CWC27: variants seen among roughly 807,000 people sequenced by gnomAD.
The protein encoded by CWC27 is CWC27 spliceosome associated cyclophilin.
In CWC27, 47 loss-of-function variants were observed where a neutral mutation model predicts 63.6. The ratio of observed to expected loss-of-function variants is 0.74; its 90% CI spans 0.58 to 0.94. The LOEUF is 0.94. Ranked by LOEUF, CWC27 falls within the 40% of genes least tolerant of loss-of-function variation. The pLI is 0.00. For synonymous variants in CWC27, 175 were observed against 179.8 expected, an observed-to-expected ratio of 0.97 and a Z score of 0.22; for missense variants, 495 against 554.3, an observed-to-expected ratio of 0.89 and a Z score of 1.07.
intron 11 of CWC27, among the ~76,000 whole-genome samples, chr5:64,890,917 T>C (rs181784599): frequency 2.0e-5 from 3 of 152,296 alleles, no homozygotes; most frequent in Admixed American, 1.3e-4. Flanking sequence ...CAGTATTTTA[T>C]TGGGCTAACA....
chr5:64,882,441 A>G (rs547842628), intron 10 of CWC27, among the ~76,000 whole-genome samples: 3 of 152,354 alleles, frequency 2.0e-5, no homozygotes, highest in South Asian at 2.1e-4. Context: ...GAGATTTGCT[A>G]TAAGTGTAAA....
intron 11 of CWC27, among the ~76,000 whole-genome samples, chr5:64,943,757 G>C (rs1748537141): frequency 6.6e-6 from 1 of 152,122 alleles, no homozygotes; most frequent in African/African-American, 2.4e-5. Flanking sequence ...CATCTTCATA[G>C]AAAAGCATCC....
At chr5:65,011,479 G>A (rs1010282269) in intron 13 of CWC27, among the ~76,000 whole-genome samples, 3 of 152,184 alleles carry the variant, frequency 2.0e-5, no homozygotes, top group East Asian at 1.9e-4. Context: ...TAGAGGCAGC[G>A]AGGAAGAAGG....
chr5:64,899,699 A>G (rs1490722915), intron 11 of CWC27, among the ~76,000 whole-genome samples: 1 of 152,212 alleles, frequency 6.6e-6, no homozygotes, highest in Non-Finnish European at 1.5e-5. Flanking sequence ...AGCTTTATTG[A>G]AGAATAATTT....
chr5:64,969,322 T>C (rs2112440192), intron 11 of CWC27, among the ~76,000 whole-genome samples: 1 of 152,248 alleles, frequency 6.6e-6, no homozygotes, highest in East Asian at 1.9e-4. Flanking sequence ...CTCTTTTGCA[T>C]TTTTTTAACC....
At chr5:65,017,272 G>GA (rs552744605) in intron 13 of CWC27, among the ~76,000 whole-genome samples, 18 of 152,190 alleles carry the variant, frequency 1.2e-4, no homozygotes, top group Admixed American at 1.0e-3. Context: ...AGTGAGCCGA[G>GA]ATCGCGCCAC....
intron 10 of CWC27, among the ~76,000 whole-genome samples, chr5:64,809,396 C>A (rs1744798908): frequency 6.6e-6 from 1 of 152,284 alleles, no homozygotes; most frequent in South Asian, 2.1e-4. Flanking sequence ...GAGACGCAGT[C>A]TCGCTCTGTT....
chr5:65,010,880 T>C (rs1580781078), intron 13 of CWC27, among the ~76,000 whole-genome samples: 1 of 152,348 alleles, frequency 6.6e-6, no homozygotes, highest in South Asian at 2.1e-4. Flanking sequence ...TGCTCAATGA[T>C]TTGGAATTAT....
chr5:64,903,609 G>A (rs1271064014), intron 11 of CWC27, among the ~76,000 whole-genome samples: 2 of 152,080 alleles, frequency 1.3e-5, no homozygotes, highest in South Asian at 2.1e-4. Flanking sequence ...GTATTGATAG[G>A]TGCAGGAAAC....
intron 11 of CWC27, among the ~76,000 whole-genome samples, chr5:64,957,507 T>C (rs930783863): frequency 6.6e-6 from 1 of 152,122 alleles, no homozygotes; most frequent in African/African-American, 2.4e-5. Flanking sequence ...AATGAGCAAA[T>C]TTAAACAGGA....
intron 10 of CWC27, among the ~76,000 whole-genome samples, chr5:64,880,918 C>A: frequency 7.2e-6 from 1 of 138,656 alleles, no homozygotes. Flanking sequence ...CAAGACAATG[C>A]TTTCTGGACT....
intron 11 of CWC27, among the ~76,000 whole-genome samples, chr5:64,966,477 T>C (rs534988298): frequency 6.6e-6 from 1 of 152,308 alleles, no homozygotes; most frequent in South Asian, 2.1e-4. Flanking sequence ...CAGTATTTTA[T>C]TTAATCCTCA....
intron 11 of CWC27, among the ~76,000 whole-genome samples, chr5:64,951,890 G>A (rs1336110550): frequency 6.6e-6 from 1 of 151,664 alleles, no homozygotes; most frequent in Admixed American, 6.6e-5. Context: ...TTTTTCAGTT[G>A]ATGCACTTCC....
At chr5:64,907,649 C>T (rs77956456) in intron 11 of CWC27, among the ~76,000 whole-genome samples, 1 of 152,132 alleles carries the variant, frequency 6.6e-6, no homozygotes, top group African/African-American at 2.4e-5. Flanking sequence ...ATTGAATACC[C>T]TTTATTTCTT....
chr5:65,013,877 A>C (rs1750006161), intron 13 of CWC27, among the ~76,000 whole-genome samples: 1 of 152,144 alleles, frequency 6.6e-6, no homozygotes, highest in East Asian at 1.9e-4. Flanking sequence ...TTAAATCGGA[A>C]ATGAATTGCT....
chr5:64,983,382 A>G (rs1312602989), intron 13 of CWC27, among the ~76,000 whole-genome samples: 3 of 151,976 alleles, frequency 2.0e-5, no homozygotes, highest in Non-Finnish European at 4.4e-5. Flanking sequence ...TCCACTGTAC[A>G]CTCATGAGGG....
intron 7 of CWC27, among the ~76,000 whole-genome samples, chr5:64,792,930 T>A (rs956752320): frequency 6.6e-6 from 1 of 152,236 alleles, no homozygotes; most frequent in Non-Finnish European, 1.5e-5. Flanking sequence ...GATATAGTTT[T>A]AATTTTGATT....
chr5:64,880,641 G>C (rs1746911292), intron 10 of CWC27, among the ~76,000 whole-genome samples: 1 of 151,588 alleles, frequency 6.6e-6, no homozygotes, highest in African/African-American at 2.4e-5. Context: ...GTAATTTCTA[G>C]GCTGCTGATA....
At chr5:64,831,056 A>G (rs1181062791) in intron 10 of CWC27, among the ~76,000 whole-genome samples, 1 of 152,026 alleles carries the variant, frequency 6.6e-6, no homozygotes, top group Non-Finnish European at 1.5e-5. Flanking sequence ...ATTGCCTTAC[A>G]TTACAAATAT....
Sources: gnomAD v4.1 joint callset for allele counts (sites outside exome capture counted in the v4.1 genomes callset) on GRCh38, gnomAD v4.1.1 for gene constraint, MANE v1.5 for transcripts, NCBI Gene and HGNC (gene_info 2026-07-23, HGNC 2026-07-21) for gene names.